Variants in BRIP1 observed in about 807,000 individuals in gnomAD.
BRIP1 encodes the protein Fanconi anemia group J protein.
BRIP1 carries 88 observed loss-of-function variants against 119.7 expected under a neutral mutation model. The observed-to-expected ratio is 0.74, with a 90% confidence interval of 0.62 to 0.88. The LOEUF is 0.88. Among genes scored for constraint, BRIP1 ranks in the 40% least tolerant of loss-of-function variants. The pLI is 0.00. For synonymous variants in BRIP1, 443 were observed against 496.5 expected (o/e 0.89, Z 1.43); for missense variants, 1,259 against 1,455.4 (o/e 0.87, Z 2.20).
Position 61,680,543 on chromosome 17 carries a change from A to G in BRIP1, c.*2753T>C, listed in dbSNP as rs530482603. 7.5e-6 allele frequency among the ~76,000 whole-genome samples: 1 copy of G among 133,018 alleles called. No homozygotes were observed. Among genetic ancestry groups the G allele is most frequent in the Non-Finnish European group, 1.5e-5 (1 of 65,256 alleles). 87.3% of individuals were successfully genotyped at this position (133,018 alleles called of 152,430 possible). A position where few individuals can be genotyped will look rare whatever the true frequency, so the allele number is the denominator to read the frequency against. Reference sequence around the variant, plus strand: ...CGCCCAGGCTGGAGTGCAGTGGCGCAATCTCGGCTCACTGCAAGCTCCACC... The same window carrying G: ...CGCCCAGGCTGGAGTGCAGTGGCGCGATCTCGGCTCACTGCAAGCTCCACC... On this transcript the variant is annotated 3_prime_UTR_variant, in exon 20 of 20. Coordinates refer to ENST00000259008, the MANE Select transcript of BRIP1 (RefSeq NM_032043.3).
chr17:61,822,266 A>T lies in BRIP1; in HGVS notation c.628-13509T>A, dbSNP rs2078337217. Among the ~76,000 whole-genome samples the T allele has an allele frequency of 6.6e-6, 1 of 152,224 alleles. No homozygotes were observed. Among genetic ancestry groups the T allele is most frequent in the Admixed American group, 6.5e-5 (1 of 15,282 alleles). On this transcript the variant is annotated intron_variant, in intron 6 of 19. Transcript: ENST00000259008. The surrounding 1 kb of genome is among the most constrained non-coding windows in gnomAD (Gnocchi z 4.4). ...TCTGTAAAATCTTTGATGTTACTAG[A>T]ATTTTTATAAGCAAATATCACTTTT...
Position 61,861,532 on chromosome 17 carries a change from G to A in BRIP1, c.8C>T (p.Ser3Leu), listed in dbSNP as rs1603368491. 1 of 1,609,458 alleles carries A rather than the reference G, an allele frequency of 6.2e-7. No homozygotes were observed. Among genetic ancestry groups the A allele is most frequent in the East Asian group, 2.2e-5 (1 of 44,756 alleles). The change falls in exon 2 of 20, where the codon TCA becomes TTA. Residue 3 changes from serine (S) to leucine (L), a missense_variant. Transcript: ENST00000259008. The surrounding 1 kb of genome is among the most constrained non-coding windows in gnomAD (Gnocchi z 4.5). MS[S>L]MWSEYTIGGV... ...ACCAATTGTATATTCAGACCACATT[G>A]AAGACATAGTGCTTTCCTGTTTATT... is the stretch of plus-strand genomic sequence containing the variant.
intron 4 of BRIP1, among the ~76,000 whole-genome samples, chr17:61,849,911 T>G (rs2078792290): frequency 6.6e-6 from 1 of 152,200 alleles, no homozygotes; most frequent in Non-Finnish European, 1.5e-5. Flanking sequence ...AACACTGTCT[T>G]CTTGGAACAC....
intron 19 of BRIP1, chr17:61,685,582 C>A: frequency 2.0e-6 from 1 of 511,336 alleles, no homozygotes; most frequent in Non-Finnish European, 3.4e-6. Context: ...TCAAAAAGGA[C>A]AAATGACTTG....
intron 17 of BRIP1, among the ~76,000 whole-genome samples, chr17:61,698,134 C>T (rs554746288): frequency 6.6e-6 from 1 of 152,220 alleles, no homozygotes; most frequent in East Asian, 1.9e-4. Flanking sequence ...TTAAGTTTCC[C>T]TGGGAGTAGT....
intron 6 of BRIP1, among the ~76,000 whole-genome samples, chr17:61,811,520 G>C (rs1465613761): frequency 6.6e-6 from 1 of 151,996 alleles, no homozygotes; most frequent in East Asian, 1.9e-4. Flanking sequence ...ACCATGCCCG[G>C]CCAAGAAGAT....
rs1423238722 is a variant in BRIP1 at position 61,708,530 on chromosome 17, T to C, written c.2492+7421A>G. On this transcript the variant is annotated intron_variant, in intron 17 of 19. Coordinates refer to ENST00000259008, the MANE Select transcript of BRIP1 (RefSeq NM_032043.3). This position sits in a 1 kb window ranked among gnomAD's most constrained non-coding sequence, Gnocchi z 4.4. ...GACTACTGTACTGTCTGGCCCTTTA[T>C]AGAAAACACTGGCCAATCCTTGTTC... 1.3e-5 allele frequency among the ~76,000 whole-genome samples: 2 copies of C among 152,238 alleles called. No homozygotes were observed. Among genetic ancestry groups the C allele is most frequent in the Non-Finnish European group, 2.9e-5 (2 of 68,036 alleles).
chr17:61,721,267 C>CTTTTTTTTT (rs11326516), intron 16 of BRIP1, among the ~76,000 whole-genome samples: 1 of 114,186 alleles, frequency 8.8e-6, no homozygotes, highest in Non-Finnish European at 1.7e-5. Flanking sequence ...AAAATCTAAG[C>CTTTTTTTTT]TTTTTTTTTT....
intron 16 of BRIP1, among the ~76,000 whole-genome samples, chr17:61,718,207 T>C (rs1263439492): frequency 3.3e-5 from 5 of 152,216 alleles, no homozygotes; most frequent in African/African-American, 9.7e-5. Flanking sequence ...TACTAGACAT[T>C]GTGGGCATTA....
rs1169083242 is a variant in BRIP1, at chr17:61,680,218, G to T, written c.*3078C>A. On this transcript the variant is annotated 3_prime_UTR_variant, in exon 20 of 20. Transcript: ENST00000259008. ...AAAAAAAAAATTAGCTGGGTGCAGTGGTGTACACCTGTAATCCCAGCTACG... is the reference window on the plus strand; with the variant it reads ...AAAAAAAAAATTAGCTGGGTGCAGTTGTGTACACCTGTAATCCCAGCTACG... Among the ~76,000 whole-genome samples the T allele has an allele frequency of 6.6e-6, 1 of 151,340 alleles. No individual in the cohort carries two copies. Among genetic ancestry groups the T allele is most frequent in the Non-Finnish European group, 1.5e-5 (1 of 67,886 alleles).
In BRIP1 at chr17:61,756,201, A is replaced by C. The variant is rs1262539584; in HGVS notation, c.2098-11610T>G. Among the ~76,000 whole-genome samples, 1 of 152,230 alleles carries C rather than the reference A, an allele frequency of 6.6e-6. No homozygotes were observed. Among genetic ancestry groups the C allele is most frequent in the Non-Finnish European group, 1.5e-5 (1 of 68,042 alleles). On this transcript the variant is annotated intron_variant, in intron 14 of 19. Transcript: ENST00000259008. The surrounding 1 kb of genome is among the most constrained non-coding windows in gnomAD (Gnocchi z 4.3). Reference sequence around the variant, plus strand: ...TCTCATTGCAGGTGACACTTGAATTACACATTTAGACAGCTTAACTATTTC... The same window carrying C: ...TCTCATTGCAGGTGACACTTGAATTCCACATTTAGACAGCTTAACTATTTC...
At chr17:61,763,431 T>C (rs1277019341) in intron 14 of BRIP1, among the ~76,000 whole-genome samples, 2 of 152,146 alleles carry the variant, frequency 1.3e-5, no homozygotes, top group African/African-American at 4.8e-5. Flanking sequence ...ATTCTCTACA[T>C]TGAGCTGCTA....
rs1329069537 is a variant in BRIP1, at chr17:61,863,329, GAAGAA to G, written c.-81_-77del. On this transcript the variant is annotated 5_prime_UTR_variant, in exon 1 of 20. Transcript: ENST00000259008. The stretch of plus-strand genomic sequence containing the variant: ...GCAACGCTCTGAGCTCCGATTCACT[GAAGAA>G]AAGGAAAGGAAACCGACTTCTGAGA... 1.3e-5 allele frequency: 2 copies of G among 152,186 alleles called. No homozygotes were observed. The highest frequency in any genetic ancestry group is 2.9e-5 in the Non-Finnish European group (2 of 68,066). 9.4% of individuals were successfully genotyped at this position (152,186 alleles called of 1,614,324 possible). A position where few individuals can be genotyped will look rare whatever the true frequency, so the allele number is the denominator to read the frequency against.
rs2077778897 is a variant in BRIP1, at chr17:61,789,223, C to T, written c.1473+4374G>A. Among the ~76,000 whole-genome samples the T allele has an allele frequency of 6.6e-6, 1 of 151,584 alleles. No homozygotes were observed. The highest frequency in any genetic ancestry group is 2.4e-5 in the African/African-American group (1 of 41,202). On this transcript the variant is annotated intron_variant, in intron 10 of 19. Coordinates refer to ENST00000259008, the MANE Select transcript of BRIP1 (RefSeq NM_032043.3). The surrounding 1 kb of genome is among the most constrained non-coding windows in gnomAD (Gnocchi z 4.8). ...CCAAGGTTACAGTGAGCTATGAATGCACCATTGCACTTCATTCCGGGCAAC... is the reference window on the plus strand; with the variant it reads ...CCAAGGTTACAGTGAGCTATGAATGTACCATTGCACTTCATTCCGGGCAAC...
Position 61,753,603 on chromosome 17 carries a change from A to T in BRIP1, c.2098-9012T>A, listed in dbSNP as rs1053028933. ...AGCAAGAAAATCTTATTTCCTCTCCATTTTTTTTTTTTTTTAGAGATGGGA... is the reference window on the plus strand; with the variant it reads ...AGCAAGAAAATCTTATTTCCTCTCCTTTTTTTTTTTTTTTTAGAGATGGGA... On this transcript the variant is annotated intron_variant, in intron 14 of 19. Transcript: ENST00000259008. The surrounding 1 kb of genome is among the most constrained non-coding windows in gnomAD (Gnocchi z 4.6). 3.5e-5 allele frequency among the ~76,000 whole-genome samples: 5 copies of T among 143,108 alleles called. No individual in the cohort carries two copies. Among genetic ancestry groups the T allele is most frequent in the African/African-American group, 1.0e-4 (4 of 39,014 alleles). 93.9% of individuals were successfully genotyped at this position (143,108 alleles called of 152,430 possible).
rs1364868412 is a variant in BRIP1, at chr17:61,798,953, T to C, written c.1340+147A>G. The C allele has an allele frequency of 1.4e-6, 1 of 738,200 alleles. No homozygotes were observed. The highest frequency in any genetic ancestry group is 2.3e-6 in the Non-Finnish European group (1 of 431,326). 45.7% of individuals were successfully genotyped at this position (738,200 alleles called of 1,614,324 possible). ...ACAAGACAAAAGGTTGGACTAGCCT[T>C]GTTTTTAAAGCTTAACTGGCAAGGA... On this transcript the variant is annotated intron_variant, in intron 9 of 19. Transcript: ENST00000259008. This position sits in a 1 kb window ranked among gnomAD's most constrained non-coding sequence, Gnocchi z 5.5.
chr17:61,849,488 G>T (rs897135832), intron 4 of BRIP1, among the ~76,000 whole-genome samples: 2 of 151,908 alleles, frequency 1.3e-5, no homozygotes, highest in African/African-American at 4.8e-5. Flanking sequence ...TTTTTAAATC[G>T]CCTTATGTAC....
At position 61,762,137 on chromosome 17, in the gene BRIP1, G is replaced by A. The variant is rs2077285970; in HGVS notation, c.2097+14264C>T. On this transcript the variant is annotated intron_variant, in intron 14 of 19. Transcript: ENST00000259008. This position sits in a 1 kb window ranked among gnomAD's most constrained non-coding sequence, Gnocchi z 4.3. ...AACTGATTTTCAACAAAGGTGCCAAGTATACACAATGGGAAAAAAAGACTC... is the reference window on the plus strand; with the variant it reads ...AACTGATTTTCAACAAAGGTGCCAAATATACACAATGGGAAAAAAAGACTC... Among the ~76,000 whole-genome samples the A allele has an allele frequency of 6.6e-6, 1 of 151,890 alleles. No homozygotes were observed. The highest frequency in any genetic ancestry group is 1.5e-5 in the Non-Finnish European group (1 of 67,972).
In BRIP1 at chr17:61,828,061, T is replaced by C. The variant is rs2078435373; in HGVS notation, c.627+19040A>G. Among the ~76,000 whole-genome samples, 1 of 152,140 alleles carries C rather than the reference T, an allele frequency of 6.6e-6. No homozygotes were observed. Among genetic ancestry groups the C allele is most frequent in the Admixed American group, 6.6e-5 (1 of 15,264 alleles). On this transcript the variant is annotated intron_variant, in intron 6 of 19. Coordinates refer to ENST00000259008, the MANE Select transcript of BRIP1 (RefSeq NM_032043.3). The surrounding 1 kb of genome is among the most constrained non-coding windows in gnomAD (Gnocchi z 4.1). ...TCCAGAAATTCCACTCTTAGGTGTA[T>C]ACCCAAACGAATGAAAACAGAGACT...
Sources: allele counts gnomAD v4.1 joint callset (sites outside exome capture counted in the v4.1 genomes callset), GRCh38; gene constraint gnomAD v4.1.1; non-coding constraint Gnocchi (gnomAD v3.1); transcripts MANE v1.5; gene names NCBI Gene and HGNC (gene_info 2026-07-23, HGNC 2026-07-21).